Variants in FGF14 observed in about 807,000 individuals in gnomAD.
FGF14 encodes fibroblast growth factor homologous factor 4.
In FGF14, 5 loss-of-function variants were observed where a neutral mutation model predicts 25.5. The observed-to-expected ratio is 0.20, with a 90% CI of 0.10 to 0.41. FGF14 has a LOEUF of 0.41. Among genes scored for constraint, FGF14 ranks in the 10% least tolerant of loss-of-function variants. The pLI is 1.00. For synonymous variants in FGF14, 138 were observed against 118.3 expected (o/e 1.17, Z -1.08); for missense variants, 222 against 320.1 (o/e 0.69, Z 2.34).
chr13:102,401,425 C>G (rs752400151), intron 1 of FGF14: 1 of 1,564,928 alleles, frequency 6.4e-7, no homozygotes, highest in Admixed American at 1.7e-5. Context: ...GAGCAACAGA[C>G]AGGTTATTAT....
intron 1 of FGF14, among the ~76,000 whole-genome samples, chr13:102,013,562 A>T (rs2040189412): frequency 6.6e-6 from 1 of 152,212 alleles, no homozygotes; most frequent in African/African-American, 2.4e-5. Context: ...ATAAATAAAC[A>T]GATGAATAAA....
rs554948963 is a variant in FGF14 at position 102,229,746 on chromosome 13, G to A, written c.208+171725C>T. Among the ~76,000 whole-genome samples the A allele has an allele frequency of 1.6e-4, 24 of 152,276 alleles. No individual in the cohort carries two copies. The South Asian group carries it at 5.0e-3, about 32-fold the overall frequency. ...TGTTGCATTTCCAACAGCTAAGTGT[G>A]TACTTACCAATGGCTATAATTGGAG... On this transcript the variant is annotated intron_variant, in intron 1 of 4. Coordinates refer to the FGF14 transcript ENST00000376131.
At chr13:102,163,248 T>C (rs749507202) in intron 1 of FGF14, among the ~76,000 whole-genome samples, 1 of 152,188 alleles carries the variant, frequency 6.6e-6, no homozygotes, top group Non-Finnish European at 1.5e-5. Context: ...AGGGCTATCA[T>C]AGCCCTTGTG....
At chr13:102,111,617 G>A (rs899395587) in intron 1 of FGF14, among the ~76,000 whole-genome samples, 2 of 152,102 alleles carry the variant, frequency 1.3e-5, no homozygotes, top group African/African-American at 4.8e-5. Context: ...TCGGGAGGCT[G>A]AGGCAGGAGG....
At chr13:102,351,057 G>T (rs117911405) in intron 1 of FGF14, among the ~76,000 whole-genome samples, 2,572 of 152,152 alleles carry the variant, frequency 0.017, 37 homozygotes, top group Non-Finnish European at 0.025. Flanking sequence ...ACTGCTAAGG[G>T]CCTCCTCTCC....
intron 3 of FGF14, among the ~76,000 whole-genome samples, chr13:101,858,710 C>A (rs1282445856): frequency 2.0e-5 from 3 of 152,066 alleles, no homozygotes; most frequent in East Asian, 3.9e-4. Context: ...GATAAAAATG[C>A]AAACTGCAGT....
intron 1 of FGF14, among the ~76,000 whole-genome samples, chr13:102,077,206 T>C (rs1226053754): frequency 1.3e-5 from 2 of 151,886 alleles, no homozygotes; most frequent in Non-Finnish European, 2.9e-5. Context: ...GAAGAAAACA[T>C]AGAAAAAAAG....
intron 1 of FGF14, among the ~76,000 whole-genome samples, chr13:102,368,650 A>G (rs920566275): frequency 1.3e-5 from 2 of 152,232 alleles, no homozygotes; most frequent in Admixed American, 6.5e-5. Context: ...AAATGATAAT[A>G]GCTTAAAAGA....
chr13:102,399,460 G>A (rs2058652810), intron 1 of FGF14, among the ~76,000 whole-genome samples: 1 of 152,196 alleles, frequency 6.6e-6, no homozygotes. Flanking sequence ...AGTCACCCCT[G>A]CCCTTCCCAC....
intron 3 of FGF14, among the ~76,000 whole-genome samples, chr13:101,742,758 C>T (rs2036634604): frequency 1.3e-5 from 2 of 152,132 alleles, no homozygotes; most frequent in South Asian, 2.1e-4. Context: ...GCCTCCCATT[C>T]TATTCCTAAA....
At chr13:101,958,395 C>A (rs1176100041) in intron 1 of FGF14, among the ~76,000 whole-genome samples, 3 of 152,308 alleles carry the variant, frequency 2.0e-5, no homozygotes, top group African/African-American at 7.2e-5. Context: ...CCTTTACTTT[C>A]CTTTACTTCC....
At chr13:102,012,144 A>C (rs567899085) in intron 1 of FGF14, among the ~76,000 whole-genome samples, 1 of 152,128 alleles carries the variant, frequency 6.6e-6, no homozygotes, top group Non-Finnish European at 1.5e-5. Flanking sequence ...AATATAAACT[A>C]ATCAATTTGC....
At chr13:102,024,973 TTATA>T (rs1178974832) in intron 1 of FGF14, among the ~76,000 whole-genome samples, 1 of 151,088 alleles carries the variant, frequency 6.6e-6, no homozygotes, top group Non-Finnish European at 1.5e-5. Context: ...AAAATGGAAT[TTATA>T]TATATACACA....
upstream of FGF14, chr13:102,402,017 G>T: frequency 3.1e-6 from 1 of 321,000 alleles, no homozygotes; most frequent in Non-Finnish European, 5.7e-6. Flanking sequence ...ACTGAGAGAA[G>T]ACTGCCATTG....
At chr13:101,723,822 G>A (rs1173304356) in intron 4 of FGF14, among the ~76,000 whole-genome samples, 1 of 150,776 alleles carries the variant, frequency 6.6e-6, no homozygotes, top group Non-Finnish European at 1.5e-5. Context: ...ACTGATGGTT[G>A]GGGAAAACTA....
intron 1 of FGF14, among the ~76,000 whole-genome samples, chr13:102,006,519 C>A (rs886886449): frequency 6.6e-6 from 1 of 151,348 alleles, no homozygotes; most frequent in African/African-American, 2.5e-5. Context: ...ACAAATACCA[C>A]AAAATATCAT....
intron 1 of FGF14, among the ~76,000 whole-genome samples, chr13:102,172,215 C>A (rs1276933001): frequency 6.6e-6 from 1 of 151,982 alleles, no homozygotes; most frequent in Non-Finnish European, 1.5e-5. Context: ...AGAAAGTAAA[C>A]ATTAAATCAA....
intron 1 of FGF14, among the ~76,000 whole-genome samples, chr13:101,915,523 C>T (rs563986278): frequency 6.6e-6 from 1 of 152,280 alleles, no homozygotes; most frequent in Admixed American, 6.5e-5. Flanking sequence ...GCAAAACAAC[C>T]AGCCTTAGCA....
chr13:102,169,388 T>G (rs1033922834), intron 1 of FGF14, among the ~76,000 whole-genome samples: 2 of 152,108 alleles, frequency 1.3e-5, no homozygotes, highest in Admixed American at 1.3e-4. Flanking sequence ...ATTTCTTTCA[T>G]GCCCCTGAGG....
Sources: gnomAD v4.1 joint callset for allele counts (sites outside exome capture counted in the v4.1 genomes callset) on GRCh38, gnomAD v4.1.1 for gene constraint, MANE v1.5 for transcripts, NCBI Gene and HGNC (gene_info 2026-07-23, HGNC 2026-07-21) for gene names.